The following GNB1 variants were observed in gnomAD, a reference collection of about 807,000 sequenced individuals.
GNB1 encodes the protein guanine nucleotide-binding protein G(I)/G(S)/G(T) subunit beta-1.
Under a neutral mutation model 42.9 loss-of-function variants are expected in GNB1, and 2 were observed. That is an observed-to-expected ratio of 0.05 (90% CI 0.02 to 0.15). The LOEUF (loss-of-function observed/expected upper bound fraction) is 0.15. Among genes scored for constraint, GNB1 ranks in the 10% least tolerant of loss-of-function variants. The pLI is 1.00. For synonymous variants in GNB1, 183 were observed against 174.7 expected (o/e 1.05, Z -0.38); for missense variants, 193 against 462.2 (o/e 0.42, Z 5.34).
chr1:1,837,447 G>C (rs1377878003), intron 2 of GNB1, among the ~76,000 whole-genome samples: 2 of 151,730 alleles, frequency 1.3e-5, no homozygotes, highest in Non-Finnish European at 2.9e-5. Flanking sequence ...GTAGAGACGG[G>C]GTTTCATCGT....
intron 2 of GNB1, among the ~76,000 whole-genome samples, chr1:1,828,741 A>T (rs539674404): frequency 5.6e-4 from 85 of 152,130 alleles, no homozygotes; most frequent in African/African-American, 2.0e-3. Context: ...ACGTTTGTCA[A>T]TTTTTTTTAA....
intron 1 of GNB1, among the ~76,000 whole-genome samples, chr1:1,886,955 C>G (rs973390751): frequency 1.3e-5 from 2 of 152,138 alleles, no homozygotes; most frequent in African/African-American, 4.8e-5. Context: ...CCTCATGATC[C>G]GCCTGACTCG....
At position 1,815,065 on chromosome 1, in the gene GNB1, T is replaced by C. The variant is rs183586159; in HGVS notation, c.203+691A>G. On this transcript the variant is annotated intron_variant, in intron 5 of 11. Transcript: ENST00000378609. Reference sequence around the variant, plus strand: ...AGGCGGAGCTTGCAGTGAGCCGAGATTGCCCCACCGCACTCCAGGCTGGGC... The same window carrying C: ...AGGCGGAGCTTGCAGTGAGCCGAGACTGCCCCACCGCACTCCAGGCTGGGC... Among the ~76,000 whole-genome samples the C allele has an allele frequency of 8.3e-3, 1,240 of 148,870 alleles. 22 individuals are homozygous for C. Among genetic ancestry groups the C allele is most frequent in the African/African-American group, 0.029 (1,187 of 40,444 alleles).
chr1:1,798,885 A>G (rs1302128382), intron 7 of GNB1, among the ~76,000 whole-genome samples: 1 of 151,216 alleles, frequency 6.6e-6, no homozygotes, highest in Non-Finnish European at 1.5e-5. Flanking sequence ...TATTTTTTGT[A>G]GAGGCGGGTC....
chr1:1,841,080 C>CG (rs1226861108), intron 1 of GNB1, among the ~76,000 whole-genome samples: 2 of 151,598 alleles, frequency 1.3e-5, no homozygotes, highest in Non-Finnish European at 2.9e-5. Flanking sequence ...TTAGTAGAGA[C>CG]GGGTTTTCAC....
intron 1 of GNB1, chr1:1,839,604 T>C (rs1306647726): frequency 6.6e-6 from 1 of 151,870 alleles, no homozygotes; most frequent in Non-Finnish European, 1.5e-5. Context: ...CCCAGCACTT[T>C]GGGAAGCTGA....
At chr1:1,876,749 G>C (rs1056684602) in intron 1 of GNB1, among the ~76,000 whole-genome samples, 4 of 152,168 alleles carry the variant, frequency 2.6e-5, no homozygotes, top group Non-Finnish European at 5.9e-5. Flanking sequence ...TTGAGGTCTT[G>C]CTTGGCTTGA....
At chr1:1,890,089 G>T (rs987839160) in intron 1 of GNB1, among the ~76,000 whole-genome samples, 2 of 152,122 alleles carry the variant, frequency 1.3e-5, no homozygotes, top group African/African-American at 4.8e-5. Context: ...GCGGGGCCGG[G>T]CCGGGGTCCG....
chr1:1,825,915 A>G (rs1646992140), intron 2 of GNB1, among the ~76,000 whole-genome samples: 1 of 152,142 alleles, frequency 6.6e-6, no homozygotes, highest in Admixed American at 6.6e-5. Flanking sequence ...TACAAACCAG[A>G]GAACTTTTCT....
intron 1 of GNB1, among the ~76,000 whole-genome samples, chr1:1,866,188 C>A (rs1648929773): frequency 6.6e-6 from 1 of 152,254 alleles, no homozygotes; most frequent in South Asian, 2.1e-4. Context: ...GATCCACCCG[C>A]CTTGGTCTCT....
intron 1 of GNB1, among the ~76,000 whole-genome samples, chr1:1,853,843 A>G (rs989267312): frequency 5.9e-5 from 9 of 152,140 alleles, no homozygotes; most frequent in African/African-American, 2.2e-4. Flanking sequence ...GAGTAAAGTA[A>G]GCACAAATAT....
intron 6 of GNB1, among the ~76,000 whole-genome samples, chr1:1,805,033 A>G (rs1238825215): frequency 6.6e-6 from 1 of 152,202 alleles, no homozygotes; most frequent in Non-Finnish European, 1.5e-5. Context: ...GTGATGGCGC[A>G]TGCCTGTAGT....
At chr1:1,812,993 AAC>A (rs755720688) in intron 5 of GNB1, among the ~76,000 whole-genome samples, 1 of 152,076 alleles carries the variant, frequency 6.6e-6, no homozygotes, top group Non-Finnish European at 1.5e-5. Context: ...TGAGTACCTG[AAC>A]ACTGCCCAGC....
intron 1 of GNB1, among the ~76,000 whole-genome samples, chr1:1,887,173 C>G (rs1333146999): frequency 1.3e-5 from 2 of 152,154 alleles, no homozygotes; most frequent in African/African-American, 4.8e-5. Context: ...AAGTCACAGA[C>G]AGTAAGAATG....
At chr1:1,887,969 T>C (rs1650247620) in intron 1 of GNB1, among the ~76,000 whole-genome samples, 1 of 152,200 alleles carries the variant, frequency 6.6e-6, no homozygotes, top group African/African-American at 2.4e-5. Flanking sequence ...CTGCAGTCTC[T>C]TGAATCTTCT....
Position 1,787,746 on chromosome 1 carries a change from C to T in GNB1, c.917-309G>A, listed in dbSNP as rs1646425362. ...AAGGCCACTATCAAAAAAATCAAAA[C>T]TATCATCAGACGCAGTGGCTTAGGC... On this transcript the variant is annotated intron_variant, in intron 10 of 11. Transcript: ENST00000378609. This position sits in a 1 kb window ranked among gnomAD's most constrained non-coding sequence, Gnocchi z 4.4. Among the ~76,000 whole-genome samples the T allele has an allele frequency of 6.6e-6, 1 of 152,146 alleles. No individual in the cohort carries two copies. Among genetic ancestry groups the T allele is most frequent in the African/African-American group, 2.4e-5 (1 of 41,436 alleles).
At chr1:1,843,324 A>T (rs1647424281) in intron 1 of GNB1, among the ~76,000 whole-genome samples, 1 of 152,050 alleles carries the variant, frequency 6.6e-6, no homozygotes, top group Non-Finnish European at 1.5e-5. Flanking sequence ...GGCTAAGGTG[A>T]TCCTCCTGCC....
chr1:1,881,691 T>C (rs988380038), intron 1 of GNB1, among the ~76,000 whole-genome samples: 4 of 152,214 alleles, frequency 2.6e-5, no homozygotes, highest in African/African-American at 9.7e-5. Context: ...TAAGCCACTG[T>C]GCCCGGCCTC....
chr1:1,799,233 A>G (rs985847872), intron 7 of GNB1, among the ~76,000 whole-genome samples: 1 of 152,180 alleles, frequency 6.6e-6, no homozygotes, highest in Admixed American at 6.5e-5. Context: ...AAACACTCTT[A>G]AGAGGCCAAA....
Sources: allele counts gnomAD v4.1 joint callset (sites outside exome capture counted in the v4.1 genomes callset), GRCh38; gene constraint gnomAD v4.1.1; non-coding constraint Gnocchi (gnomAD v3.1); transcripts MANE v1.5; gene names NCBI Gene and HGNC (gene_info 2026-07-23, HGNC 2026-07-21).